Variants in TTC32 observed in about 807,000 individuals in gnomAD.
The protein encoded by TTC32 is tetratricopeptide repeat domain 32.
In TTC32, 16 loss-of-function variants were observed where a neutral mutation model predicts 15.3. That is an observed-to-expected ratio of 1.05 (90% CI 0.71 to 1.59). The LOEUF is 1.59. TTC32 is among the 40% of genes most tolerant of loss of function. The pLI is 0.00. For missense variants in TTC32, 188 were observed against 181.9 expected (o/e 1.03, Z -0.19); for synonymous variants, 89 against 67.8 (o/e 1.31, Z -1.53).
Position 19,897,978 on chromosome 2 carries a change from G to A in TTC32, c.207C>T (p.Tyr69=), listed in dbSNP as rs1434572655. 1.2e-6 allele frequency: 2 copies of A among 1,610,308 alleles called. No individual in the cohort carries two copies. The highest frequency in any genetic ancestry group is 1.7e-6 in the Non-Finnish European group (2 of 1,177,202). ...TAYNNRGQIK[Y]FRVDFYEAMD... ...TGGCTTCATAAAAATCAACCCTGAA[G>A]TACTTGATTTGCCCCCTGTTGTTAT... is the stretch of plus-strand genomic sequence containing the variant. Residue 69 remains tyrosine (Y), a synonymous_variant, in exon 2 of 3, where the codon TAC becomes TAT. Coordinates refer to ENST00000333610, the MANE Select transcript of TTC32 (RefSeq NM_001008237.3).
Position 19,901,978 on chromosome 2 carries a change from G to T in TTC32, c.-124C>A. The T allele has an allele frequency of 8.2e-7, 1 of 1,216,786 alleles. No homozygotes were observed. The highest frequency in any genetic ancestry group is 1.2e-6 in the Non-Finnish European group (1 of 869,388). 75.4% of individuals were successfully genotyped at this position (1,216,786 alleles called of 1,614,324 possible). A position where few individuals can be genotyped will look rare whatever the true frequency, so the allele number is the denominator to read the frequency against. On this transcript the variant is annotated 5_prime_UTR_variant, in exon 1 of 3. Coordinates refer to ENST00000333610, the MANE Select transcript of TTC32 (RefSeq NM_001008237.3). ...GACAGCCAACCTTGGCGCTAGGTTT[G>T]TGCCTTATGGGGATCCGTCGTCTCG... is the stretch of plus-strand genomic sequence containing the variant.
In TTC32 at chr2:19,901,736, C is replaced by T; in HGVS notation, c.119G>A (p.Cys40Tyr). 6.2e-7 allele frequency: 1 copy of T among 1,613,424 alleles called. No homozygotes were observed. Among genetic ancestry groups the T allele is most frequent in the Non-Finnish European group, 8.5e-7 (1 of 1,179,538 alleles). Residue 40 changes from cysteine (C) to tyrosine (Y), a missense_variant, in exon 1 of 3, where the codon TGC becomes TAC. Physicochemically the swap from Cys to Tyr is radical, Grantham distance 194. Coordinates refer to ENST00000333610, the MANE Select transcript of TTC32 (RefSeq NM_001008237.3). ...GGGACTCTCGTCGCTGGAGGCCGCG[C>T]AAGCGCACCGGCGAATGTAAGCGGA... ...LYSAYIRRCA[C>Y]AASSDESPGS...
Position 19,901,943 on chromosome 2 carries a change from A to C in TTC32, c.-89T>G. ...CCACAAAGCCACTTCCACACCCTGGAATCTACCTTGACAGCCAACCTTGGC... is the reference window on the plus strand; with the variant it reads ...CCACAAAGCCACTTCCACACCCTGGCATCTACCTTGACAGCCAACCTTGGC... On this transcript the variant is annotated 5_prime_UTR_variant, in exon 1 of 3. The change creates a new upstream start codon in the 5' untranslated region. Coordinates refer to ENST00000333610, the MANE Select transcript of TTC32 (RefSeq NM_001008237.3). 6.6e-7 allele frequency: 1 copy of C among 1,514,186 alleles called. No homozygotes were observed. The highest frequency in any genetic ancestry group is 1.4e-5 in the African/African-American group (1 of 72,764). 93.8% of individuals were successfully genotyped at this position (1,514,186 alleles called of 1,614,324 possible). A position where few individuals can be genotyped will look rare whatever the true frequency, so the allele number is the denominator to read the frequency against.
At position 19,901,723 on chromosome 2, in the gene TTC32, G is replaced by C. The variant is rs771587295; in HGVS notation, c.132C>G (p.Ser44Arg). Residue 44 changes from serine (S) to arginine (R), a missense_variant, in exon 1 of 3, where the codon AGC becomes AGG. Coordinates refer to ENST00000333610, the MANE Select transcript of TTC32 (RefSeq NM_001008237.3). ...ATAGTTACCTCCCGGGACTCTCGTC[G>C]CTGGAGGCCGCGCAAGCGCACCGGC... ...YIRRCACAASSDESPGSKCSP... is the reference protein window; with the variant it reads ...YIRRCACAASRDESPGSKCSP... 3 of 1,612,880 alleles carry C rather than the reference G, an allele frequency of 1.9e-6. No homozygotes were observed. The highest frequency in any genetic ancestry group is 1.7e-5 in the Admixed American group (1 of 59,964).
chr2:19,901,615 C>T (rs1669605385), intron 1 of TTC32, 91 bp downstream of exon 1: 6 of 1,499,278 alleles, frequency 4.0e-6, no homozygotes, highest in Non-Finnish European at 5.4e-6. Flanking sequence ...AAGCGCCGAC[C>T]GTGAGCTCCA....
At position 19,898,003 on chromosome 2, in the gene TTC32, T is replaced by C. The variant is rs753804560; in HGVS notation, c.182A>G (p.Tyr61Cys). ...KCSPEDLATA[Y>C]NNRGQIKYFR... ...GTACTTGATTTGCCCCCTGTTGTTATATGCAGTAGCCAAATCCTCAGGGCT... is the reference window on the plus strand; with the variant it reads ...GTACTTGATTTGCCCCCTGTTGTTACATGCAGTAGCCAAATCCTCAGGGCT... Residue 61 changes from tyrosine (Y) to cysteine (C), a missense_variant, in exon 2 of 3, where the codon TAT becomes TGT. Tyr to Cys is a radical substitution (Grantham distance 194). Transcript: ENST00000333610. 1 of 1,598,642 alleles carries C rather than the reference T, an allele frequency of 6.3e-7. No homozygotes were observed. The highest frequency in any genetic ancestry group is 1.1e-5 in the South Asian group (1 of 89,534).
chr2:19,898,412 C>G (rs1165998645), intron 1 of TTC32: 1 of 164,848 alleles, frequency 6.1e-6, no homozygotes, highest in African/African-American at 2.4e-5. Flanking sequence ...GCCCAAAGCC[C>G]GAGTTTGCTA....
At chr2:19,899,457 GTTAGACTTAGAA>G (rs1669566812) in intron 1 of TTC32, among the ~76,000 whole-genome samples, 5 of 149,824 alleles carry the variant, frequency 3.3e-5, no homozygotes, top group Admixed American at 3.3e-4. Context: ...ATCATAAAAT[GTTAGACTTAGAA>G]TTAGATCTCA....
At position 19,896,987 on chromosome 2, in the gene TTC32, T is replaced by C; in HGVS notation, c.456A>G (p.Ter152TrpextTer3). The C allele has an allele frequency of 6.4e-7, 1 of 1,574,042 alleles. No individual in the cohort carries two copies. The highest frequency in any genetic ancestry group is 8.6e-7 in the Non-Finnish European group (1 of 1,157,248). ...KQRRNVAKNY[*>W] Reference sequence around the variant, plus strand: ...CAATACTTCCATTAAGTTAAAAATATCAATAATTTTTTGCAACATTTCTTC... The same window carrying C: ...CAATACTTCCATTAAGTTAAAAATACCAATAATTTTTTGCAACATTTCTTC... The change falls in exon 3 of 3, where the codon TGA becomes TGG. Residue 152 changes from the stop codon to tryptophan (W), a stop_lost. Coordinates refer to ENST00000333610, the MANE Select transcript of TTC32 (RefSeq NM_001008237.3).
At chr2:19,901,545 G>T in intron 1 of TTC32, 161 bp downstream of exon 1, 1 of 990,414 alleles carries the variant, frequency 1.0e-6, no homozygotes, top group Non-Finnish European at 1.4e-6. Flanking sequence ...CCTAGGCCTC[G>T]CCTAGGCCTT....
At position 19,897,968 on chromosome 2, in the gene TTC32, C is replaced by G. The variant is rs1428136959; in HGVS notation, c.217G>C (p.Asp73His). The stretch of plus-strand genomic sequence containing the variant: ...TAGTCATCCATGGCTTCATAAAAAT[C>G]AACCCTGAAGTACTTGATTTGCCCC... ...NRGQIKYFRVDFYEAMDDYTS... is the reference protein window; with the variant it reads ...NRGQIKYFRVHFYEAMDDYTS... Residue 73 changes from aspartate to histidine, a missense_variant, in exon 2 of 3, where the codon GAT becomes CAT. Asp to His is a moderately conservative substitution (Grantham distance 81). Coordinates refer to ENST00000333610, the MANE Select transcript of TTC32 (RefSeq NM_001008237.3). The G allele has an allele frequency of 4.3e-6, 7 of 1,612,280 alleles. No homozygotes were observed. In the South Asian group the frequency reaches 6.6e-5, roughly 15 times the overall value.
At chr2:19,899,143 A>C (rs187021394) in intron 1 of TTC32, among the ~76,000 whole-genome samples, 6 of 152,328 alleles carry the variant, frequency 3.9e-5, no homozygotes, top group Admixed American at 3.9e-4. Context: ...CTTCAAACCA[A>C]GTTTGCTAAC....
Position 19,901,796 on chromosome 2 carries a change from T to C in TTC32, c.59A>G (p.Asn20Ser), listed in dbSNP as rs777489547. 3 of 1,614,240 alleles carry C rather than the reference T, an allele frequency of 1.9e-6. No homozygotes were observed. Among genetic ancestry groups the C allele is most frequent in the Admixed American group, 3.3e-5 (2 of 60,026 alleles). ...ATLTLAQAHF[N>S]NGEYAEAEAL... ...CTCGGCCTCCGCGTACTCTCCATTGTTGAAATGAGCCTGGGCGAGTGTTAG... is the reference window on the plus strand; with the variant it reads ...CTCGGCCTCCGCGTACTCTCCATTGCTGAAATGAGCCTGGGCGAGTGTTAG... Residue 20 changes from asparagine to serine, a missense_variant, in exon 1 of 3, where the codon AAC (asparagine) becomes AGC (serine). Asn to Ser is a conservative substitution (Grantham distance 46). Transcript: ENST00000333610.
Position 19,901,964 on chromosome 2 carries a change from T to G in TTC32, c.-110A>C. ...CTGGAATCTACCTTGACAGCCAACC[T>G]TGGCGCTAGGTTTGTGCCTTATGGG... On this transcript the variant is annotated 5_prime_UTR_variant, in exon 1 of 3. Transcript: ENST00000333610. The G allele has an allele frequency of 7.2e-7, 1 of 1,382,590 alleles. No individual in the cohort carries two copies. The highest frequency in any genetic ancestry group is 1.3e-5 in the South Asian group (1 of 74,538). The allele number at this position is 1,382,590 out of a possible 1,614,324, so 85.6% of individuals were successfully genotyped here.
chr2:19,900,839 A>G (rs7569132), intron 1 of TTC32, among the ~76,000 whole-genome samples: 3,440 of 152,306 alleles, frequency 0.023, 115 homozygotes, highest in African/African-American at 0.077. Context: ...ATTCACAGCA[A>G]TATGAGACAG....
intron 1 of TTC32, 22 bp from the exon 2 acceptor site, chr2:19,898,057 TA>T: frequency 6.8e-7 from 1 of 1,471,896 alleles, no homozygotes; most frequent in Non-Finnish European, 9.1e-7. Context: ...AAGTTCACAT[TA>T]AAAACACCGT....
At chr2:19,901,210 T>C (rs904550241) in intron 1 of TTC32, 4 of 325,306 alleles carry the variant, frequency 1.2e-5, no homozygotes, top group African/African-American at 6.8e-5. Context: ...TATTTAAACG[T>C]TTTTCACAAG....
chr2:19,898,179 A>G (rs1433868560), intron 1 of TTC32, 144 bp from the exon 2 acceptor site: 2 of 706,716 alleles, frequency 2.8e-6, no homozygotes, highest in East Asian at 5.7e-5. Context: ...GAAAAAACGT[A>G]CAAATAAAGA....
rs1177535224 is a variant in TTC32, at chr2:19,896,787, C to G, written c.*200G>C. 4.1e-6 allele frequency: 1 copy of G among 241,904 alleles called. No individual in the cohort carries two copies. The highest frequency in any genetic ancestry group is 8.0e-6 in the Non-Finnish European group (1 of 125,254). The allele number at this position is 241,904 out of a possible 1,614,324, so 15.0% of individuals were successfully genotyped here. On this transcript the variant is annotated 3_prime_UTR_variant, in exon 3 of 3. Coordinates refer to ENST00000333610, the MANE Select transcript of TTC32 (RefSeq NM_001008237.3). ...ATAATATTTAATATAATAATATACA[C>G]TTATACATTGGTATTATTTACACTT...
Sources: allele counts gnomAD v4.1 joint callset (sites outside exome capture counted in the v4.1 genomes callset), GRCh38; gene constraint gnomAD v4.1.1; transcripts MANE v1.5; gene names NCBI Gene and HGNC (gene_info 2026-07-23, HGNC 2026-07-21).